The following NRIP3 variants were observed in gnomAD, a reference collection of about 807,000 sequenced individuals.
NRIP3 encodes nuclear receptor-interacting protein 3.
NRIP3 carries 31 observed loss-of-function variants against 29.0 expected under a neutral mutation model. The ratio of observed to expected loss-of-function variants is 1.07; its 90% CI spans 0.80 to 1.44. The LOEUF is 1.44. NRIP3 is among the 40% of genes most tolerant of loss of function. The pLI, the probability that NRIP3 is intolerant of heterozygous loss-of-function variation, is 0.00. For missense variants in NRIP3, 314 were observed against 297.9 expected (o/e 1.05, Z -0.40); for synonymous variants, 131 against 118.3 (o/e 1.11, Z -0.70).
rs1457195046 is a variant in NRIP3 at position 8,985,813 on chromosome 11, C to A, written c.460G>T (p.Glu154Ter). The change falls in exon 4 of 7, where the codon GAA (glutamate) becomes TAA (stop). Residue 154 changes from glutamate (E) to a stop codon, truncating the protein, a stop_gained. Coordinates refer to ENST00000309166, the MANE Select transcript of NRIP3 (RefSeq NM_020645.3). LOFTEE classifies it high-confidence loss of function. ...EHVKSHKHEGEKLSLPRHLKV... is the reference protein window; with the variant it reads ...EHVKSHKHEG ...AGATGCCGGGGTAGAGAAAGCTTTT[C>A]TCCTTCATGCTTGTGGGATTTGACA... 6.2e-7 allele frequency: 1 copy of A among 1,614,150 alleles called. No individual in the cohort carries two copies.
At chr11:9,002,266 A>C (rs1816182751) in intron 1 of NRIP3, among the ~76,000 whole-genome samples, 1 of 152,168 alleles carries the variant, frequency 6.6e-6, no homozygotes, top group Non-Finnish European at 1.5e-5. Context: ...ATTTGGCCTG[A>C]AGGAAAGAAT....
At chr11:8,984,834 T>G (rs1312853999) in intron 4 of NRIP3, among the ~76,000 whole-genome samples, 3 of 152,046 alleles carry the variant, frequency 2.0e-5, no homozygotes, top group Admixed American at 6.6e-5. Context: ...TACATAAAAA[T>G]GTGTTTTCTT....
Position 9,003,822 on chromosome 11 carries a change from C to T in NRIP3, c.114G>A (p.Lys38=), listed in dbSNP as rs752605158. 8.5e-6 allele frequency: 13 copies of T among 1,521,204 alleles called. No individual in the cohort carries two copies. In the South Asian group the frequency reaches 1.5e-4, roughly 17 times the overall value. The allele number at this position is 1,521,204 out of a possible 1,614,324, so 94.2% of individuals were successfully genotyped here. A position where few individuals can be genotyped will look rare whatever the true frequency, so the allele number is the denominator to read the frequency against. The change falls in exon 1 of 7, where the codon AAG becomes AAA. Residue 38 remains lysine, a synonymous_variant. Coordinates refer to ENST00000309166, the MANE Select transcript of NRIP3 (RefSeq NM_020645.3). ...RMKQAVQFIH[K]DSADLLPLDG... Reference sequence around the variant, plus strand: ...CCAGGGGCAGCAGGTCGGCGGAGTCCTTGTGGATGAACTGCACCGCCTGCT... The same window carrying T: ...CCAGGGGCAGCAGGTCGGCGGAGTCTTTGTGGATGAACTGCACCGCCTGCT...
chr11:9,002,064 C>T (rs1854811355), intron 1 of NRIP3, among the ~76,000 whole-genome samples: 1 of 152,196 alleles, frequency 6.6e-6, no homozygotes. Context: ...GGATGGAATT[C>T]TTACACAGCA....
At position 9,000,069 on chromosome 11, in the gene NRIP3, A is replaced by G. The variant is rs142584971; in HGVS notation, c.174+3693T>C. On this transcript the variant is annotated intron_variant, in intron 1 of 6. Transcript: ENST00000309166. ...TCTCCAAAGCTTAAATTATTGCATG[A>G]CATGTGTAGTAGGTACTCAATAAAT... is the stretch of plus-strand genomic sequence containing the variant. Among the ~76,000 whole-genome samples the G allele has an allele frequency of 1.4e-4, 22 of 152,318 alleles. 1 individual carries two copies. Among genetic ancestry groups the G allele is most frequent in the African/African-American group, 5.1e-4 (21 of 41,554 alleles).
At chr11:9,002,821 T>C (rs1009820155) in intron 1 of NRIP3, among the ~76,000 whole-genome samples, 80 of 152,290 alleles carry the variant, frequency 5.3e-4, no homozygotes, top group African/African-American at 1.9e-3. Context: ...ATAAAGCGAT[T>C]GTGAAATTCA....
At chr11:8,985,978 C>G in intron 3 of NRIP3, 128 bp from the exon 4 acceptor site, 1 of 1,056,672 alleles carries the variant, frequency 9.5e-7, no homozygotes, top group Non-Finnish European at 1.4e-6. Context: ...CCGAAAAGTG[C>G]TAGCCATCCT....
rs1854449226 is a variant in NRIP3 at position 8,983,168 on chromosome 11, T to A, written c.*377A>T. ...GAGGTAAAGGTCAGGTTCCTGTTTA[T>A]TATACATTTAGCTATAGGAAAAGAA... On this transcript the variant is annotated 3_prime_UTR_variant, in exon 7 of 7. Coordinates refer to ENST00000309166, the MANE Select transcript of NRIP3 (RefSeq NM_020645.3). The A allele has an allele frequency of 2.5e-6, 1 of 397,032 alleles. No individual in the cohort carries two copies. Among genetic ancestry groups the A allele is most frequent in the Non-Finnish European group, 4.7e-6 (1 of 212,138 alleles). 24.6% of individuals were successfully genotyped at this position (397,032 alleles called of 1,614,324 possible). A position where few individuals can be genotyped will look rare whatever the true frequency, so the allele number is the denominator to read the frequency against.
chr11:8,983,896 G>A lies in NRIP3; in HGVS notation c.689C>T (p.Thr230Ile), dbSNP rs777562162. 5.6e-6 allele frequency: 9 copies of A among 1,614,030 alleles called. No homozygotes were observed. Among genetic ancestry groups the A allele is most frequent in the East Asian group, 4.5e-5 (2 of 44,892 alleles). ...TDKEEIPFVETVSLNEDNTSE... is the reference protein window; with the variant it reads ...TDKEEIPFVEIVSLNEDNTSE... ...TCACTTGTCTTCATTCAAAGAGACT[G>A]TCTCCACAAAAGGGATTTCTTCCTT... Residue 230 changes from threonine (T) to isoleucine (I), a missense_variant, in exon 6 of 7, where the codon ACA becomes ATA. Coordinates refer to ENST00000309166, the MANE Select transcript of NRIP3 (RefSeq NM_020645.3).
At chr11:8,989,849 T>G (rs77125867) in intron 1 of NRIP3, among the ~76,000 whole-genome samples, 82 of 152,342 alleles carry the variant, frequency 5.4e-4, no homozygotes, top group African/African-American at 1.9e-3. Context: ...GTTACATCCA[T>G]GCTTACCAGG....
At chr11:8,984,431 T>C (rs1351401615) in intron 4 of NRIP3, among the ~76,000 whole-genome samples, 1 of 152,034 alleles carries the variant, frequency 6.6e-6, no homozygotes, top group Non-Finnish European at 1.5e-5. Flanking sequence ...CTTGGCTAAT[T>C]TGTGTATTTT....
intron 1 of NRIP3, among the ~76,000 whole-genome samples, chr11:8,990,904 T>G: frequency 6.6e-6 from 1 of 152,202 alleles, no homozygotes; most frequent in East Asian, 1.9e-4. Flanking sequence ...ACCATTAAAT[T>G]TAGAAATATA....
intron 1 of NRIP3, among the ~76,000 whole-genome samples, chr11:8,990,983 A>G (rs765516583): frequency 2.0e-5 from 3 of 152,018 alleles, no homozygotes; most frequent in Non-Finnish European, 4.4e-5. Context: ...CTGTTCTGAA[A>G]TTTTCTATTT....
At chr11:9,000,018 G>A (rs12790873) in intron 1 of NRIP3, among the ~76,000 whole-genome samples, 6,621 of 152,166 alleles carry the variant, frequency 0.044, 199 homozygotes, top group Non-Finnish European at 0.063. Context: ...GTCAAGGCAG[G>A]AACTCAGTTT....
Position 9,003,944 on chromosome 11 carries a change from C to T in NRIP3, c.-9G>A, listed in dbSNP as rs543158034. The T allele has an allele frequency of 1.3e-5, 19 of 1,481,082 alleles. No homozygotes were observed. In the East Asian group the frequency reaches 4.5e-4, roughly 35 times the overall value. 91.7% of individuals were successfully genotyped at this position (1,481,082 alleles called of 1,614,324 possible). On this transcript the variant is annotated 5_prime_UTR_variant, in exon 1 of 7. Transcript: ENST00000309166. ...AGCCCTGAGTAAAACATCGCTGAGG[C>T]GCCGGCGGCCCGGTAGCCCACAGCC...
chr11:8,987,502 G>C, intron 3 of NRIP3, 46 bp downstream of exon 3: 1 of 1,316,158 alleles, frequency 7.6e-7, no homozygotes, highest in East Asian at 2.3e-5. Context: ...GTCAAGCGAA[G>C]AGTACAGTCA....
chr11:8,985,855 A>T lies in NRIP3; in HGVS notation c.423-5T>A. 1 of 1,613,830 alleles carries T rather than the reference A, an allele frequency of 6.2e-7. No homozygotes were observed. Among genetic ancestry groups the T allele is most frequent in the Non-Finnish European group, 8.5e-7 (1 of 1,179,900 alleles). On this transcript the variant is annotated splice_polypyrimidine_tract_variant and splice_region_variant and intron_variant, in intron 3 of 6. Coordinates refer to ENST00000309166, the MANE Select transcript of NRIP3 (RefSeq NM_020645.3). ...GATTTGACATGCTCCTTGAGTCTGTACCAAAGAGGAAGATACCAAAATCCC... is the reference window on the plus strand; with the variant it reads ...GATTTGACATGCTCCTTGAGTCTGTTCCAAAGAGGAAGATACCAAAATCCC...
chr11:8,983,040 G>T lies in NRIP3; in HGVS notation c.*505C>A, dbSNP rs567068843. On this transcript the variant is annotated 3_prime_UTR_variant, in exon 7 of 7. Coordinates refer to ENST00000309166, the MANE Select transcript of NRIP3 (RefSeq NM_020645.3). ...TAAACTGTAATGGATAATGTCCCTGGGCTCTTTCACATAATCCATACTTGA... is the reference window on the plus strand; with the variant it reads ...TAAACTGTAATGGATAATGTCCCTGTGCTCTTTCACATAATCCATACTTGA... 104 of 454,492 alleles carry T rather than the reference G, an allele frequency of 2.3e-4. No homozygotes were observed. Among genetic ancestry groups the T allele is most frequent in the African/African-American group, 2.0e-3 (102 of 49,932 alleles). The allele number at this position is 454,492 out of a possible 1,614,324, so 28.2% of individuals were successfully genotyped here. A position where few individuals can be genotyped will look rare whatever the true frequency, so the allele number is the denominator to read the frequency against.
At chr11:8,996,275 C>CTTTTTTT (rs386373056) in intron 1 of NRIP3, among the ~76,000 whole-genome samples, 140 of 82,938 alleles carry the variant, frequency 1.7e-3, no homozygotes, top group Middle Eastern at 0.013. Flanking sequence ...CCTTTTTTTC[C>CTTTTTTT]TTTTTTTTTT....
Sources: allele counts gnomAD v4.1 joint callset (sites outside exome capture counted in the v4.1 genomes callset), GRCh38; gene constraint gnomAD v4.1.1; transcripts MANE v1.5; gene names NCBI Gene and HGNC (gene_info 2026-07-23, HGNC 2026-07-21).